Variants in INTS7 observed in about 807,000 individuals in gnomAD.
The protein encoded by INTS7 is integrator complex subunit 7, also known as chromosome 1 open reading frame 73.
Under a neutral mutation model 109.2 loss-of-function variants are expected in INTS7, and 46 were observed. That is an observed-to-expected ratio of 0.42 (90% CI 0.33 to 0.54). The LOEUF is 0.54. INTS7 is among the 20% of genes least tolerant of loss of function. The pLI, the probability that INTS7 is intolerant of heterozygous loss-of-function variation, is 0.07. For missense variants in INTS7, 929 were observed against 1,132.4 expected (o/e 0.82, Z 2.58); for synonymous variants, 412 against 402.9 (o/e 1.02, Z -0.27).
chr1:211,974,864 T>C (rs1172290933), intron 13 of INTS7, among the ~76,000 whole-genome samples: 4 of 152,222 alleles, frequency 2.6e-5, no homozygotes, highest in African/African-American at 9.6e-5. Flanking sequence ...ATGGTGGTAC[T>C]GATGCACACA....
chr1:211,954,280 T>C (rs1034662520), intron 16 of INTS7, among the ~76,000 whole-genome samples: 5 of 152,264 alleles, frequency 3.3e-5, no homozygotes, highest in African/African-American at 1.2e-4. Context: ...GAGTTCATTG[T>C]AGATTCTGGA....
intron 16 of INTS7, among the ~76,000 whole-genome samples, chr1:211,965,560 A>G (rs1178391356): frequency 6.6e-6 from 1 of 152,234 alleles, no homozygotes; most frequent in Non-Finnish European, 1.5e-5. Context: ...ATGCCCATCG[A>G]TGGCAGACCA....
intron 8 of INTS7, among the ~76,000 whole-genome samples, chr1:211,984,812 CTTGTT>C (rs5780670): frequency 0.026 from 3,961 of 152,112 alleles, 56 homozygotes; most frequent in African/African-American, 0.046. Context: ...TGTTTTCCAT[CTTGTT>C]TTATTTCTCT....
intron 4 of INTS7, 90 bp from the exon 5 acceptor site, chr1:212,011,511 A>T: frequency 1.2e-6 from 1 of 809,610 alleles, no homozygotes; most frequent in Non-Finnish European, 2.0e-6. Context: ...ATTAGCGCAG[A>T]AGAAATACAA....
At chr1:211,954,794 C>T (rs940516465) in intron 16 of INTS7, among the ~76,000 whole-genome samples, 2 of 152,208 alleles carry the variant, frequency 1.3e-5, no homozygotes, top group African/African-American at 4.8e-5. Context: ...GTTTTGGTTA[C>T]TGTAGCCTTG....
intron 3 of INTS7, 73 bp from the exon 4 acceptor site, chr1:212,017,096 A>C: frequency 8.0e-7 from 1 of 1,254,342 alleles, no homozygotes; most frequent in South Asian, 1.7e-5. Flanking sequence ...GAGGCAAGGC[A>C]AAGTCAGATT....
At chr1:211,963,837 A>T (rs1226104517) in intron 16 of INTS7, among the ~76,000 whole-genome samples, 1 of 152,074 alleles carries the variant, frequency 6.6e-6, no homozygotes, top group Non-Finnish European at 1.5e-5. Context: ...TTGAAGAAAC[A>T]TACCTCAAAA....
rs1035002575 is a variant in INTS7, at chr1:212,016,780, C to T, written c.509+106G>A. 1.4e-5 allele frequency: 12 copies of T among 854,946 alleles called. No homozygotes were observed. In the African/African-American group the frequency reaches 1.8e-4, roughly 13 times the overall value. 53.0% of individuals were successfully genotyped at this position (854,946 alleles called of 1,614,324 possible). Reference sequence around the variant, plus strand: ...CTTGGAAAACACACCTTGTAATTTACACTTTCCTGTATCTCTCAGTGTTTA... The same window carrying T: ...CTTGGAAAACACACCTTGTAATTTATACTTTCCTGTATCTCTCAGTGTTTA... On this transcript the variant is annotated intron_variant, in intron 4 of 19. Transcript: ENST00000366994.
chr1:211,987,988 C>G lies in INTS7; in HGVS notation c.895G>C (p.Ala299Pro), dbSNP rs1363861269. 6.3e-7 allele frequency: 1 copy of G among 1,598,080 alleles called. No individual in the cohort carries two copies. Among genetic ancestry groups the G allele is most frequent in the Non-Finnish European group, 8.6e-7 (1 of 1,166,932 alleles). The change falls in exon 8 of 20, where the codon GCC (alanine) becomes CCC (proline). Residue 299 changes from alanine (A) to proline (P), a missense_variant. By Grantham distance (27) the Ala-to-Pro change is conservative. This residue lies in a region of INTS7 where 787 missense variants were observed against 901.1 expected (regional missense o/e 0.87). Coordinates refer to ENST00000366994, the MANE Select transcript of INTS7 (RefSeq NM_015434.4). ...AAGCTGTCATAAGGAGTCTGGAGGG[C>G]ACACTCACAAAGTGCCTGGAATGCA... ...RENIQALCECALQTPYDSLKL... is the reference protein window; with the variant it reads ...RENIQALCECPLQTPYDSLKL...
chr1:212,007,482 G>A (rs1362828760), intron 5 of INTS7, 33 bp from the exon 6 acceptor site: 3 of 1,512,254 alleles, frequency 2.0e-6, no homozygotes, highest in East Asian at 2.3e-5. Flanking sequence ...AGGTATTTGT[G>A]ATCACCATCC....
intron 7 of INTS7, among the ~76,000 whole-genome samples, chr1:212,004,298 C>T (rs1665806419): frequency 6.6e-6 from 1 of 152,088 alleles, no homozygotes; most frequent in Non-Finnish European, 1.5e-5. Context: ...GCCAAGACTG[C>T]ACCACTGCAC....
chr1:212,015,392 A>T (rs1437253521), intron 4 of INTS7, among the ~76,000 whole-genome samples: 1 of 152,126 alleles, frequency 6.6e-6, no homozygotes, highest in Non-Finnish European at 1.5e-5. Context: ...GGATGCTGTT[A>T]ATCTATAACC....
intron 12 of INTS7, 53 bp from the exon 13 acceptor site, chr1:211,975,425 T>A: frequency 7.2e-7 from 1 of 1,387,530 alleles, no homozygotes; most frequent in South Asian, 1.2e-5. Flanking sequence ...ACGGTGAGGT[T>A]CTTACATTTG....
At chr1:212,013,973 T>C (rs1317885883) in intron 4 of INTS7, among the ~76,000 whole-genome samples, 1 of 152,186 alleles carries the variant, frequency 6.6e-6, no homozygotes, top group Non-Finnish European at 1.5e-5. Flanking sequence ...AAAAGTCCTC[T>C]CAATACCAAC....
At chr1:211,986,776 T>G (rs931791358) in intron 8 of INTS7, among the ~76,000 whole-genome samples, 3 of 152,092 alleles carry the variant, frequency 2.0e-5, no homozygotes, top group Non-Finnish European at 4.4e-5. Flanking sequence ...ATTAGTTGAG[T>G]CCAAGCCACA....
chr1:211,980,842 G>A (rs76879089), intron 10 of INTS7, among the ~76,000 whole-genome samples: 3,976 of 152,080 alleles, frequency 0.026, 58 homozygotes, highest in African/African-American at 0.046. Context: ...TATAAACTAG[G>A]GCTTATACCA....
chr1:211,941,658 G>A lies in INTS7; in HGVS notation c.*166C>T. 9.9e-7 allele frequency: 1 copy of A among 1,014,112 alleles called. No homozygotes were observed. The highest frequency in any genetic ancestry group is 2.9e-5 in the Admixed American group (1 of 34,288). 62.8% of individuals were successfully genotyped at this position (1,014,112 alleles called of 1,614,324 possible). On this transcript the variant is annotated 3_prime_UTR_variant, in exon 20 of 20. Transcript: ENST00000366994. ...CGTGAGCAACCACGCCCAGCTGTCA[G>A]ACAAAATTTTTAAGAAAACAAAATT...
At chr1:211,992,693 A>G (rs891274740) in intron 7 of INTS7, among the ~76,000 whole-genome samples, 1 of 152,166 alleles carries the variant, frequency 6.6e-6, no homozygotes. Context: ...AAAAATAATA[A>G]TAATAAAATT....
chr1:211,952,514 G>C, intron 17 of INTS7, 55 bp downstream of exon 17: 9 of 1,566,398 alleles, frequency 5.7e-6, no homozygotes, highest in Non-Finnish European at 7.8e-6. Flanking sequence ...TGCCATAAAT[G>C]TATGAAAAAC....
Sources: allele counts gnomAD v4.1 joint callset (sites outside exome capture counted in the v4.1 genomes callset), GRCh38; gene constraint gnomAD v4.1.1; regional missense constraint gnomAD v4.1.1; transcripts MANE v1.5; gene names NCBI Gene and HGNC (gene_info 2026-07-23, HGNC 2026-07-21).